Variants in SNTB2 observed in about 807,000 individuals in gnomAD.
SNTB2 encodes the protein syntrophin beta 2.
Under a neutral mutation model 46.2 loss-of-function variants are expected in SNTB2, and 34 were observed. The observed-to-expected ratio is 0.74, with a 90% CI of 0.56 to 0.98. SNTB2 has a LOEUF of 0.98. SNTB2 is among the 50% of genes least tolerant of loss of function. SNTB2 has a pLI of 0.00. For synonymous variants in SNTB2, 290 were observed against 312.6 expected (o/e 0.93, Z 0.76); for missense variants, 603 against 731.4 (o/e 0.82, Z 2.02).
At position 69,307,528 on chromosome 16, in the gene SNTB2, T is replaced by G. The variant is rs1012563171; in HGVS notation, c.*6604T>G. The G allele has an allele frequency of 2.0e-5, 3 of 152,232 alleles. No homozygotes were observed. Among genetic ancestry groups the G allele is most frequent in the Admixed American group, 6.5e-5 (1 of 15,282 alleles). 9.4% of individuals were successfully genotyped at this position (152,232 alleles called of 1,614,324 possible). A position where few individuals can be genotyped will look rare whatever the true frequency, so the allele number is the denominator to read the frequency against. ...CTTTCTTAAAAAATGCTTCTTTAAC[T>G]GTAACAGCAAAACTAAATGCATATT... On this transcript the variant is annotated 3_prime_UTR_variant, in exon 7 of 7. Coordinates refer to ENST00000336278, the MANE Select transcript of SNTB2 (RefSeq NM_006750.4).
At chr16:69,256,975 G>A (rs1189514150) in intron 2 of SNTB2, among the ~76,000 whole-genome samples, 1 of 152,094 alleles carries the variant, frequency 6.6e-6, no homozygotes, top group East Asian at 1.9e-4. Flanking sequence ...TTCGAGACCA[G>A]CCTGGCCAAC....
At chr16:69,215,898 G>C (rs1964342341) in intron 1 of SNTB2, among the ~76,000 whole-genome samples, 1 of 152,126 alleles carries the variant, frequency 6.6e-6, no homozygotes, top group South Asian at 2.1e-4. Flanking sequence ...AAACTCTCAG[G>C]CTCAAGTGAT....
intron 5 of SNTB2, 63 bp from the exon 6 acceptor site, chr16:69,299,527 C>A: frequency 6.7e-7 from 1 of 1,496,736 alleles, no homozygotes; most frequent in Non-Finnish European, 9.2e-7. Flanking sequence ...CAGAAGATTC[C>A]CTTTTCACTT....
At chr16:69,251,205 G>C (rs1190884517) in intron 2 of SNTB2, among the ~76,000 whole-genome samples, 7 of 150,984 alleles carry the variant, frequency 4.6e-5, no homozygotes, top group South Asian at 2.1e-4. Flanking sequence ...GTCTCGATCT[G>C]CTGACCTCGT....
chr16:69,238,983 C>T (rs376578326), intron 1 of SNTB2, among the ~76,000 whole-genome samples: 153 of 152,286 alleles, frequency 1.0e-3, no homozygotes, highest in Non-Finnish European at 1.9e-3. Flanking sequence ...CATGGTCTGC[C>T]TCCCAGCCCC....
At chr16:69,273,216 C>T (rs189748463) in intron 4 of SNTB2, among the ~76,000 whole-genome samples, 1 of 152,338 alleles carries the variant, frequency 6.6e-6, no homozygotes, top group African/African-American at 2.4e-5. Flanking sequence ...CTGTGACCCA[C>T]AATTCCATTC....
At chr16:69,208,388 A>T (rs1285125681) in intron 1 of SNTB2, among the ~76,000 whole-genome samples, 1 of 151,870 alleles carries the variant, frequency 6.6e-6, no homozygotes, top group African/African-American at 2.4e-5. Flanking sequence ...CCTGGGCAAC[A>T]AGAGCAAAAC....
At chr16:69,246,411 C>G (rs1183305153) in intron 2 of SNTB2, among the ~76,000 whole-genome samples, 2 of 150,734 alleles carry the variant, frequency 1.3e-5, no homozygotes, top group African/African-American at 4.9e-5. Context: ...GGGATGAAGC[C>G]CACTTGATTA....
chr16:69,281,905 C>CTCTT lies in SNTB2; in HGVS notation c.1149-2142_1149-2141insCTTT, dbSNP rs1555500788. 2.3e-4 allele frequency among the ~76,000 whole-genome samples: 29 copies of CTCTT among 125,322 alleles called. 1 individual carries two copies. The highest frequency in any genetic ancestry group is 6.4e-4 in the African/African-American group (21 of 33,048). 82.2% of individuals were successfully genotyped at this position (125,322 alleles called of 152,430 possible). The stretch of plus-strand genomic sequence containing the variant: ...TCCATTGAATCACATTTGTTTCTCT[C>CTCTT]TTTTTTTTTTTTTTTTTGAGAGGGA... On this transcript the variant is annotated intron_variant, in intron 4 of 6. Coordinates refer to ENST00000336278, the MANE Select transcript of SNTB2 (RefSeq NM_006750.4).
At chr16:69,222,517 T>G (rs974749092) in intron 1 of SNTB2, among the ~76,000 whole-genome samples, 1 of 149,132 alleles carries the variant, frequency 6.7e-6, no homozygotes, top group Non-Finnish European at 1.5e-5. Context: ...CACTTGAACC[T>G]GGGAGGTGGA....
At chr16:69,214,158 T>C (rs532882458) in intron 1 of SNTB2, among the ~76,000 whole-genome samples, 41 of 145,334 alleles carry the variant, frequency 2.8e-4, no homozygotes, top group African/African-American at 1.0e-3. Flanking sequence ...TTTGAGACAG[T>C]CTCGCTCTGT....
At chr16:69,204,762 A>G (rs1056205971) in intron 1 of SNTB2, among the ~76,000 whole-genome samples, 7 of 152,156 alleles carry the variant, frequency 4.6e-5, no homozygotes, top group South Asian at 2.1e-4. Context: ...ATCTATCCCA[A>G]TTGCATAGTC....
At chr16:69,261,141 CG>C (rs1451949023) in intron 3 of SNTB2, among the ~76,000 whole-genome samples, 2 of 151,660 alleles carry the variant, frequency 1.3e-5, no homozygotes, top group Non-Finnish European at 2.9e-5. Flanking sequence ...TCGAAACTTA[CG>C]TTTTGAATCC....
rs57663863 is a variant in SNTB2 at position 69,193,318 on chromosome 16, C to CTTTTTTT, written c.580+5594_580+5600dup. Among the ~76,000 whole-genome samples, 9 of 70,194 alleles carry CTTTTTTT rather than the reference C, an allele frequency of 1.3e-4. 1 individual carries two copies. The highest frequency in any genetic ancestry group is 1.6e-4 in the Non-Finnish European group (6 of 36,712). The allele number at this position is 70,194 out of a possible 152,430, so 46.0% of individuals were successfully genotyped here. A position where few individuals can be genotyped will look rare whatever the true frequency, so the allele number is the denominator to read the frequency against. On this transcript the variant is annotated intron_variant, in intron 1 of 6. Transcript: ENST00000336278. ...TTGAAAGAGACTCAGATGGTATAGACTTTTTTTTTTTTTTTTTTTTTTTTT... is the reference window on the plus strand; with the variant it reads ...TTGAAAGAGACTCAGATGGTATAGACTTTTTTTTTTTTTTTTTTTTTTTTTTTTTTTT...
chr16:69,253,313 A>G (rs1166225508), intron 2 of SNTB2, among the ~76,000 whole-genome samples: 1 of 151,802 alleles, frequency 6.6e-6, no homozygotes, highest in Non-Finnish European at 1.5e-5. Context: ...CTATTTCACA[A>G]TCCCTTTTCA....
At chr16:69,285,214 A>C (rs1475072026) in intron 5 of SNTB2, among the ~76,000 whole-genome samples, 1 of 152,198 alleles carries the variant, frequency 6.6e-6, no homozygotes, top group Non-Finnish European at 1.5e-5. Context: ...AATGTGCTAA[A>C]ATATGGCAGC....
At chr16:69,233,932 G>A (rs1964532163) in intron 1 of SNTB2, among the ~76,000 whole-genome samples, 1 of 152,012 alleles carries the variant, frequency 6.6e-6, no homozygotes, top group Non-Finnish European at 1.5e-5. Context: ...AGCTATGATT[G>A]TGCCCCTGCA....
chr16:69,218,348 G>A (rs1964368614), intron 1 of SNTB2, among the ~76,000 whole-genome samples: 1 of 151,966 alleles, frequency 6.6e-6, no homozygotes, highest in Admixed American at 6.6e-5. Flanking sequence ...GGAATTAAAT[G>A]TAGATAGTTC....
chr16:69,274,206 G>C (rs1964964432), intron 4 of SNTB2, among the ~76,000 whole-genome samples: 1 of 151,826 alleles, frequency 6.6e-6, no homozygotes, highest in Non-Finnish European at 1.5e-5. Context: ...CAGCTACTTG[G>C]GAAGCTAAGG....
Sources: gnomAD v4.1 joint callset for allele counts (sites outside exome capture counted in the v4.1 genomes callset) on GRCh38, gnomAD v4.1.1 for gene constraint, MANE v1.5 for transcripts, NCBI Gene and HGNC (gene_info 2026-07-23, HGNC 2026-07-21) for gene names.